The following REPS1 variants were observed in gnomAD, a reference collection of about 807,000 sequenced individuals.
REPS1 encodes ralBP1-associated Eps domain-containing protein 1.
A neutral mutation model predicts 100.9 loss-of-function variants in REPS1; 39 were observed. The observed-to-expected ratio is 0.39, with a 90% CI of 0.30 to 0.50. The LOEUF is 0.50. Among genes scored for constraint, REPS1 ranks in the 20% least tolerant of loss-of-function variants. The probability of loss-of-function intolerance (pLI) is 0.86; values close to 1 mark genes in which losing one functional copy is unlikely to be tolerated. For synonymous variants in REPS1, 324 were observed against 340.3 expected (o/e 0.95, Z 0.53); for missense variants, 821 against 968.5 (o/e 0.85, Z 2.02).
At chr6:138,971,572 C>G (rs1784348648) in intron 1 of REPS1, among the ~76,000 whole-genome samples, 2 of 151,450 alleles carry the variant, frequency 1.3e-5, no homozygotes, top group Non-Finnish European at 2.9e-5. Context: ...AAATGTCTTA[C>G]AATTACTCTG....
intron 8 of REPS1, among the ~76,000 whole-genome samples, chr6:138,930,793 G>A (rs1781440406): frequency 6.6e-6 from 1 of 152,098 alleles, no homozygotes; most frequent in South Asian, 2.1e-4. Flanking sequence ...AAAAAGCAAA[G>A]TCAATAAGCT....
At position 138,903,864 on chromosome 6, in the gene REPS1, T is replaced by C. The variant is rs1400712885; in HGVS notation, c.*1200A>G. On this transcript the variant is annotated 3_prime_UTR_variant, in exon 20 of 20. Coordinates refer to ENST00000450536, the MANE Select transcript of REPS1 (RefSeq NM_001286611.2). ...AGCTTGAGGTTGTCAGTTTCCCTTG[T>C]TCTTCAAATTCTTGTTTACAGTAAC... 1 of 152,202 alleles carries C rather than the reference T, an allele frequency of 6.6e-6. No homozygotes were observed. Among genetic ancestry groups the C allele is most frequent in the Non-Finnish European group, 1.5e-5 (1 of 68,016 alleles). 9.4% of individuals were successfully genotyped at this position (152,202 alleles called of 1,614,324 possible). A position where few individuals can be genotyped will look rare whatever the true frequency, so the allele number is the denominator to read the frequency against.
chr6:138,964,205 CTT>C (rs890573290), intron 1 of REPS1, among the ~76,000 whole-genome samples: 5 of 151,890 alleles, frequency 3.3e-5, no homozygotes, highest in Admixed American at 6.6e-5. Context: ...CAGACATTCT[CTT>C]GTTTTTTTTT....
Position 138,911,357 on chromosome 6 carries a change from A to C in REPS1, c.1986T>G (p.Ser662=), listed in dbSNP as rs769867842. The C allele has an allele frequency of 1.2e-5, 19 of 1,612,618 alleles. No individual in the cohort carries two copies. The highest frequency in any genetic ancestry group is 8.5e-7 in the Non-Finnish European group (1 of 1,178,810). ...CAACTCGAAGAGAACTTGCAGGATC[A>C]GAAGCTTTTTCAGCCTAAAAATGAA... is the stretch of plus-strand genomic sequence containing the variant. ...HPEVLPAEKA[S]DPASSLRVAK... is the part of the protein sequence containing the mutation. The change falls in exon 17 of 20, where the codon TCT becomes TCG. Residue 662 remains serine, a synonymous_variant. Transcript: ENST00000450536.
At chr6:138,912,409 A>G (rs1780070397) in intron 16 of REPS1, among the ~76,000 whole-genome samples, 1 of 152,210 alleles carries the variant, frequency 6.6e-6, no homozygotes, top group Non-Finnish European at 1.5e-5. Flanking sequence ...CCTTGGGGAA[A>G]AGTTGCAATG....
Position 138,969,269 on chromosome 6 carries a change from A to ATTTTTTTTTTTTTTTTTTTTTTTTT in REPS1, c.153+18236_153+18260dup, listed in dbSNP as rs71013004. On this transcript the variant is annotated intron_variant, in intron 1 of 19. Transcript: ENST00000450536. ...ACACAATCTATGATACAAAGCTGTA[A>ATTTTTTTTTTTTTTTTTTTTTTTTT]TTTTTTTTTTTTTTTTTTTTTTTTT... Among the ~76,000 whole-genome samples, 29 of 74,250 alleles carry ATTTTTTTTTTTTTTTTTTTTTTTTT rather than the reference A, an allele frequency of 3.9e-4. 3 individuals carry two copies. Among genetic ancestry groups the ATTTTTTTTTTTTTTTTTTTTTTTTT allele is most frequent in the Non-Finnish European group, 4.2e-4 (16 of 38,346 alleles). The allele number at this position is 74,250 out of a possible 152,430, so 48.7% of individuals were successfully genotyped here.
At chr6:138,954,808 T>C (rs977763709) in intron 1 of REPS1, among the ~76,000 whole-genome samples, 2 of 152,348 alleles carry the variant, frequency 1.3e-5, no homozygotes, top group Admixed American at 6.5e-5. Flanking sequence ...AGCTACCACA[T>C]TGGTAAACTT....
intron 6 of REPS1, 94 bp from the exon 7 acceptor site, chr6:138,943,670 G>C (rs1453954857): frequency 5.5e-6 from 6 of 1,085,046 alleles, no homozygotes; most frequent in Admixed American, 2.7e-5. Flanking sequence ...ACTGGGAAAA[G>C]ATATTTTTAA....
rs1470447760 is a variant in REPS1, at chr6:138,914,768, G to A, written c.1721-7C>T. On this transcript the variant is annotated splice_region_variant and splice_polypyrimidine_tract_variant and intron_variant, in intron 14 of 19. Transcript: ENST00000450536. ...ACTCCAGCCTGTTGTTGTCCTGCAT[G>A]AATACAAAAGTTCTTCTTTTTAGTA... The A allele has an allele frequency of 6.8e-6, 11 of 1,607,196 alleles. No individual in the cohort carries two copies. The highest frequency in any genetic ancestry group is 1.3e-5 in the African/African-American group (1 of 74,502).
At chr6:138,915,651 C>T (rs934288359) in intron 14 of REPS1, among the ~76,000 whole-genome samples, 1 of 151,932 alleles carries the variant, frequency 6.6e-6, no homozygotes, top group Non-Finnish European at 1.5e-5. Flanking sequence ...TGGGGTTTCA[C>T]CATGTTGGCC....
intron 1 of REPS1, among the ~76,000 whole-genome samples, chr6:138,974,994 C>CAA (rs80057574): frequency 7.4e-6 from 1 of 135,894 alleles, no homozygotes; most frequent in African/African-American, 2.7e-5. Flanking sequence ...GACCCTGTCT[C>CAA]AAAAAAAAAA....
At chr6:138,918,778 CATTT>C (rs1241931366) in intron 12 of REPS1, among the ~76,000 whole-genome samples, 1 of 152,052 alleles carries the variant, frequency 6.6e-6, no homozygotes, top group East Asian at 1.9e-4. Flanking sequence ...GCAGAGGAAA[CATTT>C]ATTTTCAATT....
intron 8 of REPS1, among the ~76,000 whole-genome samples, chr6:138,938,036 TA>T (rs1375526796): frequency 6.6e-6 from 1 of 152,144 alleles, no homozygotes; most frequent in Non-Finnish European, 1.5e-5. Flanking sequence ...CAAACATTCT[TA>T]AAAAGCTAAA....
At chr6:138,968,759 C>G (rs781001743) in intron 1 of REPS1, among the ~76,000 whole-genome samples, 10 of 152,298 alleles carry the variant, frequency 6.6e-5, no homozygotes, top group Middle Eastern at 3.4e-3. Context: ...CCAAACACCA[C>G]TGTCTGCTAA....
chr6:138,951,566 G>A (rs574714230), intron 1 of REPS1, among the ~76,000 whole-genome samples: 35 of 152,032 alleles, frequency 2.3e-4, no homozygotes, highest in Non-Finnish European at 4.6e-4. Flanking sequence ...AATCTTTGCC[G>A]TGCTTTGGAG....
At chr6:138,950,344 G>A (rs1782935047) in intron 1 of REPS1, among the ~76,000 whole-genome samples, 2 of 152,146 alleles carry the variant, frequency 1.3e-5, no homozygotes, top group African/African-American at 2.4e-5. Flanking sequence ...AACTGGATGT[G>A]GTGGCACATG....
At chr6:138,967,058 GTAATT>G (rs1448265225) in intron 1 of REPS1, among the ~76,000 whole-genome samples, 1 of 152,222 alleles carries the variant, frequency 6.6e-6, no homozygotes, top group Non-Finnish European at 1.5e-5. Flanking sequence ...ATAGATTAAT[GTAATT>G]TATCACAGAA....
intron 1 of REPS1, among the ~76,000 whole-genome samples, chr6:138,976,320 C>A (rs6913553): frequency 0.088 from 13,353 of 152,004 alleles, 1,213 homozygotes; most frequent in African/African-American, 0.23. Context: ...TTTTTCTCCA[C>A]AGGAACATGC....
Position 138,987,610 on chromosome 6 carries a change from T to C in REPS1, c.73A>G (p.Ser25Gly), listed in dbSNP as rs933995315. 10 of 1,551,118 alleles carry C rather than the reference T, an allele frequency of 6.4e-6. No homozygotes were observed. The Middle Eastern group carries it at 6.7e-4, about 104-fold the overall frequency. Residue 25 changes from serine (S) to glycine (G), a missense_variant, in exon 1 of 20, where the codon AGC becomes GGC. Physicochemically the swap from Ser to Gly is moderately conservative, Grantham distance 56. Around this residue, in one of 3 missense-constraint regions of REPS1, gnomAD observed 36 missense variants for 36.7 expected, o/e 0.98. Coordinates refer to ENST00000450536, the MANE Select transcript of REPS1 (RefSeq NM_001286611.2). ...CCGTTGACCACCACCTTCTTGGTGCTCTCAATGTCGCAGTAGGAGAAGAGA... is the reference window on the plus strand; with the variant it reads ...CCGTTGACCACCACCTTCTTGGTGCCCTCAATGTCGCAGTAGGAGAAGAGA... ...SDLFSYCDIE[S>G]TKKVVVNGRV...
Sources: allele counts gnomAD v4.1 joint callset (sites outside exome capture counted in the v4.1 genomes callset), GRCh38; gene constraint gnomAD v4.1.1; regional missense constraint gnomAD v4.1.1; transcripts MANE v1.5; gene names NCBI Gene and HGNC (gene_info 2026-07-23, HGNC 2026-07-21).